Variants in SMCHD1 observed in about 807,000 individuals in gnomAD.
SMCHD1 encodes the protein structural maintenance of chromosomes flexible hinge domain-containing protein 1.
A neutral mutation model predicts 254.7 loss-of-function variants in SMCHD1; 78 were observed. That is an observed-to-expected ratio of 0.31 (90% confidence interval 0.26 to 0.37). The LOEUF is 0.37. SMCHD1 is among the 10% of genes least tolerant of loss of function. The pLI, the probability that SMCHD1 is intolerant of heterozygous loss-of-function variation, is 1.00. For synonymous variants in SMCHD1, 766 were observed against 794.9 expected (o/e 0.96, Z 0.61); for missense variants, 1,840 against 2,408.1 (o/e 0.76, Z 4.94).
chr18:2,793,519 G>C (rs1568402723), intron 45 of SMCHD1, among the ~76,000 whole-genome samples: 2 of 151,972 alleles, frequency 1.3e-5, no homozygotes, highest in South Asian at 4.2e-4. Context: ...AAAAAAATCA[G>C]CTGGGTGTGG....
chr18:2,790,788 G>A (rs2076306881), intron 45 of SMCHD1, among the ~76,000 whole-genome samples: 1 of 152,114 alleles, frequency 6.6e-6, no homozygotes, highest in African/African-American at 2.4e-5. Context: ...AGTACAGGTA[G>A]AAGAAAATAA....
chr18:2,664,404 C>G (rs1323348049), intron 1 of SMCHD1, among the ~76,000 whole-genome samples: 1 of 151,768 alleles, frequency 6.6e-6, no homozygotes, highest in African/African-American at 2.4e-5. Flanking sequence ...AGCATTTGAG[C>G]AAATTCCTCC....
At chr18:2,679,409 G>A (rs1417880750) in intron 5 of SMCHD1, among the ~76,000 whole-genome samples, 2 of 141,786 alleles carry the variant, frequency 1.4e-5, no homozygotes, top group African/African-American at 5.1e-5. Context: ...CCGGGATGCG[G>A]AGCTTGCAGT....
Position 2,656,137 on chromosome 18 carries a change from G to A in SMCHD1, c.62G>A (p.Gly21Glu). The A allele has an allele frequency of 6.7e-7, 1 of 1,496,954 alleles. No individual in the cohort carries two copies. Among genetic ancestry groups the A allele is most frequent in the Non-Finnish European group, 8.9e-7 (1 of 1,125,540 alleles). The allele number at this position is 1,496,954 out of a possible 1,614,324, so 92.7% of individuals were successfully genotyped here. A position where few individuals can be genotyped will look rare whatever the true frequency, so the allele number is the denominator to read the frequency against. The part of the protein sequence containing the change: ...GASVGTEEDG[G>E]GVGHRTVYLF... ...TCTGTGGGGACTGAGGAGGATGGCG[G>A]AGGCGTCGGCCACAGGACGGTGTAC... The change falls in exon 1 of 48, where the codon GGA becomes GAA. Residue 21 changes from glycine (G) to glutamate (E), a missense_variant. Coordinates refer to ENST00000320876, the MANE Select transcript of SMCHD1 (RefSeq NM_015295.3).
At chr18:2,793,770 C>T (rs1056015035) in intron 45 of SMCHD1, among the ~76,000 whole-genome samples, 3 of 151,808 alleles carry the variant, frequency 2.0e-5, no homozygotes, top group Non-Finnish European at 4.4e-5. Context: ...CACTCAGTTT[C>T]ACATATAGAA....
chr18:2,667,700 A>C (rs2143809806), intron 3 of SMCHD1, among the ~76,000 whole-genome samples: 1 of 152,306 alleles, frequency 6.6e-6, no homozygotes, highest in East Asian at 1.9e-4. Flanking sequence ...AACCACCACT[A>C]ACACTTTGGT....
intron 32 of SMCHD1, 114 bp from the exon 33 acceptor site, chr18:2,751,164 A>G (rs1045332989): frequency 8.5e-6 from 5 of 590,308 alleles, no homozygotes; most frequent in Non-Finnish European, 1.4e-5. Context: ...TAACATTTAA[A>G]TAACGTGTGC....
At chr18:2,728,951 G>GAAA (rs370623037) in intron 23 of SMCHD1, 74 of 168,182 alleles carry the variant, frequency 4.4e-4, no homozygotes, top group South Asian at 6.1e-4. Flanking sequence ...TTACTTTAGG[G>GAAA]AAAAAAAAAA....
intron 1 of SMCHD1, among the ~76,000 whole-genome samples, chr18:2,665,527 G>A (rs1043238523): frequency 6.6e-6 from 1 of 152,090 alleles, no homozygotes; most frequent in African/African-American, 2.4e-5. Context: ...CACCATGTTG[G>A]TCGGGCTGGT....
intron 34 of SMCHD1, among the ~76,000 whole-genome samples, chr18:2,754,836 T>TA (rs2075642616): frequency 6.6e-6 from 1 of 151,928 alleles, no homozygotes; most frequent in African/African-American, 2.4e-5. Flanking sequence ...TTTTTTTTTT[T>TA]TTTAATGTAT....
intron 3 of SMCHD1, among the ~76,000 whole-genome samples, chr18:2,669,444 C>A (rs1242833829): frequency 1.3e-5 from 2 of 152,172 alleles, no homozygotes; most frequent in Non-Finnish European, 2.9e-5. Context: ...AATTATTCTC[C>A]TGCCTTGGTC....
intron 4 of SMCHD1, among the ~76,000 whole-genome samples, chr18:2,673,761 C>T (rs1197687681): frequency 1.3e-5 from 2 of 152,064 alleles, no homozygotes; most frequent in East Asian, 3.8e-4. Context: ...TCTTGCACAC[C>T]TTGGTACATG....
At chr18:2,735,164 A>G (rs1018765783) in intron 25 of SMCHD1, among the ~76,000 whole-genome samples, 28 of 152,142 alleles carry the variant, frequency 1.8e-4, no homozygotes, top group Admixed American at 1.8e-3. Flanking sequence ...AGTGTGATTC[A>G]CCACATAAAC....
chr18:2,729,381 A>G lies in SMCHD1; in HGVS notation c.3020A>G (p.Gln1007Arg). The G allele has an allele frequency of 6.5e-7, 1 of 1,539,676 alleles. No individual in the cohort carries two copies. Among genetic ancestry groups the G allele is most frequent in the Non-Finnish European group, 8.7e-7 (1 of 1,144,074 alleles). The change falls in exon 24 of 48, where the codon CAG (glutamine) becomes CGG (arginine). Residue 1007 changes from glutamine (Q) to arginine (R), a missense_variant. Transcript: ENST00000320876. ...CAAGTTCAGAATATTAAAAAAGACC[A>G]GACGCTTAAAGCAAGAATTGAAATA... ...AIQVQNIKKD[Q>R]TLKARIEIPS...
At chr18:2,737,181 A>G (rs1173231443) in intron 25 of SMCHD1, among the ~76,000 whole-genome samples, 1 of 152,206 alleles carries the variant, frequency 6.6e-6, no homozygotes, top group Non-Finnish European at 1.5e-5. Flanking sequence ...TTAAATACAC[A>G]TGGACATAAA....
chr18:2,780,999 A>G (rs11663198), intron 44 of SMCHD1, among the ~76,000 whole-genome samples: 14,956 of 152,196 alleles, frequency 0.098, 1,150 homozygotes, highest in East Asian at 0.43. Flanking sequence ...TGGAGAGACA[A>G]ACAGAACACT....
Position 2,729,316 on chromosome 18 carries a change from C to G in SMCHD1, c.2955C>G (p.Cys985Trp). 6.4e-7 allele frequency: 1 copy of G among 1,557,612 alleles called. No individual in the cohort carries two copies. The highest frequency in any genetic ancestry group is 8.7e-7 in the Non-Finnish European group (1 of 1,151,910). Residue 985 changes from cysteine to tryptophan, a missense_variant, in exon 24 of 48, where the codon TGC becomes TGG. Physicochemically the swap from Cys to Trp is radical, Grantham distance 215 (BLOSUM62 -2). Coordinates refer to ENST00000320876, the MANE Select transcript of SMCHD1 (RefSeq NM_015295.3). ...APNLPVYVVD[C>W]SSSGTSILTG... is the part of the protein sequence containing the mutation. ...ACCTTCCAGTCTATGTTGTAGATTG[C>G]AGTAGTTCTGGAACCAGTATTTTAA...
intron 45 of SMCHD1, among the ~76,000 whole-genome samples, chr18:2,786,174 T>C (rs548256874): frequency 3.4e-4 from 52 of 152,116 alleles, no homozygotes; most frequent in South Asian, 1.7e-3. Context: ...CCACCACACC[T>C]GGCAAACTTT....
At chr18:2,669,983 A>G (rs977551287) in intron 3 of SMCHD1, among the ~76,000 whole-genome samples, 3 of 152,110 alleles carry the variant, frequency 2.0e-5, no homozygotes, top group African/African-American at 4.8e-5. Flanking sequence ...CACCATTTCT[A>G]TTGCTACCAC....
Sources: gnomAD v4.1 joint callset for allele counts (sites outside exome capture counted in the v4.1 genomes callset) on GRCh38, gnomAD v4.1.1 for gene constraint, MANE v1.5 for transcripts, NCBI Gene and HGNC (gene_info 2026-07-23, HGNC 2026-07-21) for gene names.